The following EBF1 variants were observed in gnomAD, a reference collection of about 807,000 sequenced individuals.
The protein encoded by EBF1 is EBF transcription factor 1.
Under a neutral mutation model 68.4 loss-of-function variants are expected in EBF1, and 10 were observed. The ratio of observed to expected loss-of-function variants is 0.15; its 90% CI spans 0.09 to 0.25. The LOEUF is 0.25. Among genes scored for constraint, EBF1 ranks in the 10% least tolerant of loss-of-function variants. The pLI, the probability that EBF1 is intolerant of heterozygous loss-of-function variation, is 1.00. For missense variants in EBF1, 509 were observed against 794.4 expected (o/e 0.64, Z 4.32); for synonymous variants, 298 against 299.8 (o/e 0.99, Z 0.06).
chr5:158,967,536 G>A (rs748978965), intron 6 of EBF1, among the ~76,000 whole-genome samples: 9 of 152,038 alleles, frequency 5.9e-5, no homozygotes, highest in African/African-American at 1.5e-4. Context: ...ATCCATATAC[G>A]TATCGAGTAT....
At chr5:158,941,294 A>G (rs1813320704) in intron 6 of EBF1, 1 of 455,116 alleles carries the variant, frequency 2.2e-6, no homozygotes, top group Non-Finnish European at 4.4e-6. Context: ...GAACACGTAC[A>G]AATACAGCAA....
At chr5:158,727,100 T>C (rs1763146210) in intron 11 of EBF1, among the ~76,000 whole-genome samples, 3 of 152,198 alleles carry the variant, frequency 2.0e-5, no homozygotes, top group Non-Finnish European at 4.4e-5. Flanking sequence ...GGGGATCATG[T>C]TTCCAAAACG....
At chr5:158,842,309 T>A (rs1340935461) in intron 6 of EBF1, among the ~76,000 whole-genome samples, 1 of 152,198 alleles carries the variant, frequency 6.6e-6, no homozygotes, top group African/African-American at 2.4e-5. Context: ...ACTGTTGTGA[T>A]CCTTGAATCT....
intron 6 of EBF1, among the ~76,000 whole-genome samples, chr5:159,002,232 A>G (rs1762686440): frequency 6.7e-6 from 1 of 150,312 alleles, no homozygotes; most frequent in Non-Finnish European, 1.5e-5. Flanking sequence ...AAAAATAATC[A>G]TTTCTCAATT....
At chr5:158,896,848 G>GA (rs1012986486) in intron 6 of EBF1, among the ~76,000 whole-genome samples, 45 of 151,016 alleles carry the variant, frequency 3.0e-4, no homozygotes, top group African/African-American at 5.6e-4. Context: ...TGGAAGATCA[G>GA]AAAAAAAAAC....
intron 6 of EBF1, among the ~76,000 whole-genome samples, chr5:159,069,562 C>T (rs906227343): frequency 2.0e-5 from 3 of 152,042 alleles, no homozygotes; most frequent in African/African-American, 7.2e-5. Flanking sequence ...GTCATCCTAA[C>T]CAGATATGGA....
At chr5:159,023,222 C>A (rs1038221064) in intron 6 of EBF1, among the ~76,000 whole-genome samples, 8 of 150,602 alleles carry the variant, frequency 5.3e-5, no homozygotes, top group African/African-American at 1.7e-4. Context: ...TTGTGAGACT[C>A]ATTTTATGCA....
At chr5:159,075,546 G>C (rs939935728) in intron 5 of EBF1, among the ~76,000 whole-genome samples, 1 of 152,114 alleles carries the variant, frequency 6.6e-6, no homozygotes, top group Non-Finnish European at 1.5e-5. Flanking sequence ...CCATGCACAA[G>C]GGTCTGTTTT....
intron 6 of EBF1, among the ~76,000 whole-genome samples, chr5:158,993,914 G>C (rs1184599756): frequency 6.6e-6 from 1 of 152,208 alleles, no homozygotes; most frequent in Non-Finnish European, 1.5e-5. Flanking sequence ...CAAAATGTAA[G>C]TCTGTCCTAG....
chr5:158,963,441 G>A (rs1233200992), intron 6 of EBF1, among the ~76,000 whole-genome samples: 1 of 152,302 alleles, frequency 6.6e-6, no homozygotes, highest in Admixed American at 6.5e-5. Flanking sequence ...CACAATTCAA[G>A]CTTAGAGAAT....
intron 10 of EBF1, among the ~76,000 whole-genome samples, chr5:158,745,042 T>C (rs758706499): frequency 3.1e-4 from 47 of 152,188 alleles, no homozygotes; most frequent in Non-Finnish European, 3.5e-4. Context: ...CGCCACAAAA[T>C]ATTGACAAAA....
At chr5:159,003,213 G>A (rs1188341683) in intron 6 of EBF1, among the ~76,000 whole-genome samples, 1 of 152,152 alleles carries the variant, frequency 6.6e-6, no homozygotes, top group Non-Finnish European at 1.5e-5. Context: ...ATCACTGGGT[G>A]TGTCTTGCTT....
intron 8 of EBF1, among the ~76,000 whole-genome samples, chr5:158,798,655 T>G (rs1267185242): frequency 1.3e-5 from 2 of 152,208 alleles, no homozygotes; most frequent in African/African-American, 4.8e-5. Flanking sequence ...CGTGTGTATG[T>G]GCTTTCAAAC....
chr5:158,972,379 C>G (rs6556379), intron 6 of EBF1, among the ~76,000 whole-genome samples: 145,799 of 152,312 alleles, frequency 0.96, 70,392 homozygotes, highest in African/African-American at 0.99. Context: ...GTTTGCAATA[C>G]GGTTGTCAAA....
chr5:158,866,493 A>G (rs890138238), intron 6 of EBF1, among the ~76,000 whole-genome samples: 4 of 152,106 alleles, frequency 2.6e-5, no homozygotes, highest in African/African-American at 9.7e-5. Flanking sequence ...ATATCCAATT[A>G]TTACTATTAA....
chr5:158,848,915 C>T (rs1485372352), intron 6 of EBF1, among the ~76,000 whole-genome samples: 2 of 152,172 alleles, frequency 1.3e-5, no homozygotes. Context: ...CCTGGATGCT[C>T]AACTTATGAT....
intron 6 of EBF1, among the ~76,000 whole-genome samples, chr5:158,996,842 T>G (rs1446517585): frequency 1.3e-5 from 2 of 152,216 alleles, no homozygotes; most frequent in Non-Finnish European, 2.9e-5. Context: ...AAATGAAATA[T>G]GTTATACCTC....
At chr5:159,050,645 T>C (rs2127814255) in intron 6 of EBF1, among the ~76,000 whole-genome samples, 1 of 152,310 alleles carries the variant, frequency 6.6e-6, no homozygotes, top group South Asian at 2.1e-4. Flanking sequence ...ATAAGCATGT[T>C]TGTAACATAC....
chr5:158,766,083 T>C (rs1433518470), intron 10 of EBF1, among the ~76,000 whole-genome samples: 1 of 152,218 alleles, frequency 6.6e-6, no homozygotes, highest in African/African-American at 2.4e-5. Context: ...GGTTTAGTAA[T>C]GCTTACGGAG....
Sources: allele counts gnomAD v4.1 joint callset (sites outside exome capture counted in the v4.1 genomes callset), GRCh38; gene constraint gnomAD v4.1.1; transcripts MANE v1.5; gene names NCBI Gene and HGNC (gene_info 2026-07-23, HGNC 2026-07-21).